The following PLCB1 variants were observed in gnomAD, a reference collection of about 807,000 sequenced individuals.
PLCB1 encodes phospholipase C beta 1.
Under a neutral mutation model 161.8 loss-of-function variants are expected in PLCB1, and 46 were observed. The ratio of observed to expected loss-of-function variants is 0.28; its 90% CI spans 0.22 to 0.36. The LOEUF (loss-of-function observed/expected upper bound fraction) is 0.36. Ranked by LOEUF, PLCB1 falls within the 10% of genes least tolerant of loss-of-function variation. The pLI is 1.00. For synonymous variants in PLCB1, 517 were observed against 503.7 expected, an observed-to-expected ratio of 1.03 and a Z score of -0.35; for missense variants, 1,016 against 1,472.5, an observed-to-expected ratio of 0.69 and a Z score of 5.07.
intron 3 of PLCB1, among the ~76,000 whole-genome samples, chr20:8,459,635 G>C (rs1935673): frequency 0.36 from 54,876 of 152,106 alleles, 11,080 homozygotes; most frequent in East Asian, 0.55. Flanking sequence ...TGAAGGTTAT[G>C]AAAAACTTGA....
chr20:8,164,898 T>TAA (rs1157052441), intron 2 of PLCB1, among the ~76,000 whole-genome samples: 1 of 152,200 alleles, frequency 6.6e-6, no homozygotes, highest in Non-Finnish European at 1.5e-5. Flanking sequence ...CAGTTTAAGA[T>TAA]AGAGTGTTTG....
At chr20:8,837,757 A>G (rs1428385181) in intron 31 of PLCB1, among the ~76,000 whole-genome samples, 1 of 152,214 alleles carries the variant, frequency 6.6e-6, no homozygotes, top group African/African-American at 2.4e-5. Flanking sequence ...GCATCCTTGA[A>G]GAGCTCTGTG....
intron 2 of PLCB1, among the ~76,000 whole-genome samples, chr20:8,367,761 C>T (rs757236692): frequency 5.9e-5 from 9 of 152,094 alleles, no homozygotes; most frequent in South Asian, 2.1e-4. Context: ...ACTATTGTCA[C>T]GAGAAAATTA....
chr20:8,585,228 C>A (rs1413923884), intron 3 of PLCB1, among the ~76,000 whole-genome samples: 1 of 152,132 alleles, frequency 6.6e-6, no homozygotes, highest in Non-Finnish European at 1.5e-5. Flanking sequence ...TGAACTAGGT[C>A]TTTTCAGACA....
intron 2 of PLCB1, among the ~76,000 whole-genome samples, chr20:8,326,342 T>C (rs1436556073): frequency 5.9e-5 from 9 of 152,226 alleles, no homozygotes; most frequent in Non-Finnish European, 1.3e-4. Flanking sequence ...TGTTCACCCA[T>C]GTCCTGAGTG....
chr20:8,437,963 AG>A (rs1391156769), intron 3 of PLCB1, among the ~76,000 whole-genome samples: 1 of 152,206 alleles, frequency 6.6e-6, no homozygotes, highest in Non-Finnish European at 1.5e-5. Flanking sequence ...TGCCATTATA[AG>A]GTAATCACTC....
In PLCB1 at chr20:8,554,297, T is replaced by G. The variant is rs374066059; in HGVS notation, c.247-73997T>G. Among the ~76,000 whole-genome samples the G allele has an allele frequency of 2.4e-4, 36 of 152,188 alleles. No individual in the cohort carries two copies. The South Asian group carries it at 4.4e-3, about 18-fold the overall frequency. ...TGAAACATATATCCATATAACAACT[T>G]GTAAAAGAATGCTTATAGCCCCTTT... On this transcript the variant is annotated intron_variant, in intron 3 of 31. Transcript: ENST00000338037.
intron 3 of PLCB1, among the ~76,000 whole-genome samples, chr20:8,556,266 A>T (rs550674438): frequency 6.6e-6 from 1 of 151,996 alleles, no homozygotes; most frequent in Non-Finnish European, 1.5e-5. Flanking sequence ...AAGAGTCCCT[A>T]AAAGTACTTG....
At chr20:8,463,146 A>AGTGT (rs11472638) in intron 3 of PLCB1, among the ~76,000 whole-genome samples, 14,469 of 144,678 alleles carry the variant, frequency 0.1, 912 homozygotes, top group Admixed American at 0.2. Flanking sequence ...AGTACAGAGC[A>AGTGT]GTGTGTGTGT....
intron 31 of PLCB1, among the ~76,000 whole-genome samples, chr20:8,856,237 T>C (rs953481240): frequency 3.3e-5 from 5 of 152,214 alleles, no homozygotes. Context: ...TTAGTTGTTT[T>C]AACTTCATAA....
intron 31 of PLCB1, among the ~76,000 whole-genome samples, chr20:8,798,483 A>G (rs1984133600): frequency 6.6e-6 from 1 of 152,202 alleles, no homozygotes; most frequent in Non-Finnish European, 1.5e-5. Flanking sequence ...CCTAGCAGGC[A>G]GGCAGGAAAG....
chr20:8,635,168 TG>T (rs1392599175), intron 4 of PLCB1, among the ~76,000 whole-genome samples: 3 of 152,106 alleles, frequency 2.0e-5, no homozygotes, highest in Non-Finnish European at 2.9e-5. Flanking sequence ...TGCGAGCTGA[TG>T]AAAGTCAAAA....
intron 2 of PLCB1, among the ~76,000 whole-genome samples, chr20:8,342,082 A>G (rs1985829500): frequency 6.6e-6 from 1 of 152,114 alleles, no homozygotes; most frequent in South Asian, 2.1e-4. Flanking sequence ...CTTTAAAGGT[A>G]CCACCTGGAG....
Position 8,727,275 on chromosome 20 carries a change from T to C in PLCB1, c.1679-34T>C, listed in dbSNP as rs150952039. On this transcript the variant is annotated intron_variant, in intron 16 of 31. Coordinates refer to ENST00000338037, the MANE Select transcript of PLCB1 (RefSeq NM_015192.4). ...ATAACAATGAATTGTATTTCTCACC[T>C]TCCCCTTTTTTGTTTTGTTGTTGCT... 654 of 1,020,188 alleles carry C rather than the reference T, an allele frequency of 6.4e-4. 3 individuals carry two copies. In the East Asian group the frequency reaches 0.01, roughly 16 times the overall value. 63.2% of individuals were successfully genotyped at this position (1,020,188 alleles called of 1,614,324 possible).
At chr20:8,331,295 A>G (rs1028216652) in intron 2 of PLCB1, among the ~76,000 whole-genome samples, 14 of 152,146 alleles carry the variant, frequency 9.2e-5, no homozygotes, top group African/African-American at 3.1e-4. Context: ...GCCTGCTACC[A>G]TATTCTCAAG....
chr20:8,656,445 T>C (rs1042334153), intron 7 of PLCB1, among the ~76,000 whole-genome samples: 6 of 152,040 alleles, frequency 3.9e-5, no homozygotes, highest in Non-Finnish European at 8.8e-5. Flanking sequence ...AACACATACC[T>C]GAAATAGGAA....
chr20:8,733,430 G>C, intron 19 of PLCB1, 38 bp downstream of exon 19: 1 of 1,570,788 alleles, frequency 6.4e-7, no homozygotes, highest in Non-Finnish European at 8.8e-7. Context: ...CCTAACAATA[G>C]TGTTGAATTT....
chr20:8,457,712 GCGCACACACA>G (rs1981381520), intron 3 of PLCB1, among the ~76,000 whole-genome samples: 1 of 70,668 alleles, frequency 1.4e-5, no homozygotes, highest in African/African-American at 7.7e-5. Context: ...TAATGTGTGC[GCGCACACACA>G]CACACACACA....
Position 8,465,759 on chromosome 20 carries a change from C to G in PLCB1, c.246+94309C>G, listed in dbSNP as rs372242412. ...CACTGGCCATCAGAGAAATGCAAAT[C>G]AAAACCACAATGAGATACCATCTCA... On this transcript the variant is annotated intron_variant, in intron 3 of 31. Coordinates refer to ENST00000338037, the MANE Select transcript of PLCB1 (RefSeq NM_015192.4). 3.7e-3 allele frequency among the ~76,000 whole-genome samples: 557 copies of G among 151,696 alleles called. 3 individuals carry two copies. The highest frequency in any genetic ancestry group is 0.013 in the African/African-American group (536 of 41,348).
Sources: allele counts gnomAD v4.1 joint callset (sites outside exome capture counted in the v4.1 genomes callset), GRCh38; gene constraint gnomAD v4.1.1; transcripts MANE v1.5; gene names NCBI Gene and HGNC (gene_info 2026-07-23, HGNC 2026-07-21).